The following FOS variants were observed in gnomAD, a reference collection of about 807,000 sequenced individuals.
The protein encoded by FOS is protein c-Fos.
FOS carries 9 observed loss-of-function variants against 27.2 expected under a neutral mutation model. The ratio of observed to expected loss-of-function variants is 0.33; its 90% CI spans 0.20 to 0.58. The LOEUF (loss-of-function observed/expected upper bound fraction) is 0.58, where lower values mean the gene tolerates loss of function less well. Among genes scored for constraint, FOS ranks in the 20% least tolerant of loss-of-function variants. The pLI, the probability that FOS is intolerant of heterozygous loss-of-function variation, is 0.87. For synonymous variants in FOS, 213 were observed against 205.1 expected (o/e 1.04, Z -0.33); for missense variants, 405 against 483.5 (o/e 0.84, Z 1.52).
rs4645856 is a variant in FOS at position 75,280,555 on chromosome 14, T to C, written c.394-5T>C. 0.072 allele frequency: 116,058 copies of C among 1,608,860 alleles called. 5,043 individuals carry two copies. Among genetic ancestry groups the C allele is most frequent in the African/African-American group, 0.17 (12,578 of 74,724 alleles). On this transcript the variant is annotated splice_region_variant and splice_polypyrimidine_tract_variant and intron_variant, in intron 2 of 3. Transcript: ENST00000303562. The stretch of plus-strand genomic sequence containing the variant: ...AATGTCGGTCTTTTTTTGTGATTAT[T>C]CTAGTTATCTCCAGAAGAAGAAGAG...
In FOS at chr14:75,281,260, G is replaced by C. The variant is rs763381996; in HGVS notation, c.979G>C (p.Val327Leu). ...ATELEPLCTP[V>L]VTCTPSCTAY... ...AGAGCTGGAGCCCCTGTGCACTCCG[G>C]TGGTCACCTGTACTCCCAGCTGCAC... Residue 327 changes from valine to leucine, a missense_variant, in exon 4 of 4, where the codon GTG becomes CTG. Val to Leu is a conservative substitution (Grantham distance 32). Coordinates refer to ENST00000303562, the MANE Select transcript of FOS (RefSeq NM_005252.4). This position sits in a 1 kb window ranked among gnomAD's most constrained non-coding sequence, Gnocchi z 4.7. 5 of 1,611,760 alleles carry C rather than the reference G, an allele frequency of 3.1e-6. No homozygotes were observed. In the Admixed American group the frequency reaches 8.3e-5, roughly 27 times the overall value.
rs1253186300 is a variant in FOS at position 75,279,748 on chromosome 14, G to A, written c.142-129G>A. The A allele has an allele frequency of 9.1e-7, 1 of 1,097,814 alleles. No individual in the cohort carries two copies. The highest frequency in any genetic ancestry group is 1.3e-6 in the Non-Finnish European group (1 of 759,286). The allele number at this position is 1,097,814 out of a possible 1,614,324, so 68.0% of individuals were successfully genotyped here. A position where few individuals can be genotyped will look rare whatever the true frequency, so the allele number is the denominator to read the frequency against. The stretch of plus-strand genomic sequence containing the variant: ...GGGAGACCTTTCATCCAGGATGAGG[G>A]ACATTTAAGATGAAATGTCCGTGGC... On this transcript the variant is annotated intron_variant, in intron 1 of 3. Coordinates refer to ENST00000303562, the MANE Select transcript of FOS (RefSeq NM_005252.4). The surrounding 1 kb of genome is among the most constrained non-coding windows in gnomAD (Gnocchi z 5.4).
At position 75,280,141 on chromosome 14, in the gene FOS, A is replaced by T. The variant is rs1377546476; in HGVS notation, c.393+13A>T. 1 of 1,613,544 alleles carries T rather than the reference A, an allele frequency of 6.2e-7. No homozygotes were observed. The highest frequency in any genetic ancestry group is 1.1e-5 in the South Asian group (1 of 91,086). On this transcript the variant is annotated intron_variant, in intron 2 of 3. Transcript: ENST00000303562. ...CAAGGTGGAACAGGTGAGGAACTCT[A>T]GCGTACTCTTCCTGGGAATGTGGGG...
chr14:75,280,763 CT>C lies in FOS; in HGVS notation c.502-17del. The C allele has an allele frequency of 1.2e-6, 2 of 1,613,214 alleles. No individual in the cohort carries two copies. Among genetic ancestry groups the C allele is most frequent in the Non-Finnish European group, 1.7e-6 (2 of 1,179,484 alleles). On this transcript the variant is annotated intron_variant, in intron 3 of 3. Transcript: ENST00000303562. ...GAGTAAGACTGTGTCTTATGCTTTC[CT>C]TTATCCCTCTGTATACAGGAGACAG...
Position 75,279,768 on chromosome 14 carries a change from C to T in FOS, c.142-109C>T. On this transcript the variant is annotated intron_variant, in intron 1 of 3. Transcript: ENST00000303562. The surrounding 1 kb of genome is among the most constrained non-coding windows in gnomAD (Gnocchi z 5.4). ...TGAGGGACATTTAAGATGAAATGTCCGTGGCAGGATCGTTTCTCTTCACTG... is the reference window on the plus strand; with the variant it reads ...TGAGGGACATTTAAGATGAAATGTCTGTGGCAGGATCGTTTCTCTTCACTG... 2 of 1,269,542 alleles carry T rather than the reference C, an allele frequency of 1.6e-6. No individual in the cohort carries two copies. The highest frequency in any genetic ancestry group is 2.3e-5 in the East Asian group (1 of 42,768). 78.6% of individuals were successfully genotyped at this position (1,269,542 alleles called of 1,614,324 possible).
rs559819705 is a variant in FOS, at chr14:75,279,249, G to A, written c.141+126G>A. 6 of 1,328,094 alleles carry A rather than the reference G, an allele frequency of 4.5e-6. No individual in the cohort carries two copies. In the East Asian group the frequency reaches 9.5e-5, roughly 21 times the overall value. The allele number at this position is 1,328,094 out of a possible 1,614,324, so 82.3% of individuals were successfully genotyped here. On this transcript the variant is annotated intron_variant, in intron 1 of 3. Coordinates refer to ENST00000303562, the MANE Select transcript of FOS (RefSeq NM_005252.4). The surrounding 1 kb of genome is among the most constrained non-coding windows in gnomAD (Gnocchi z 5.4). Reference sequence around the variant, plus strand: ...TGCCTGGAGGGAGGCTGCCGTGGCCGGAGCGGTGCCGGCTCGGGGGCTCGG... The same window carrying A: ...TGCCTGGAGGGAGGCTGCCGTGGCCAGAGCGGTGCCGGCTCGGGGGCTCGG...
At position 75,278,848 on chromosome 14, in the gene FOS, T is replaced by A. The variant is rs2239615; in HGVS notation, c.-135T>A. 744,450 of 1,013,622 alleles carry A rather than the reference T, an allele frequency of 0.73. 276,112 individuals are homozygous for A. Among genetic ancestry groups the A allele is most frequent in the African/African-American group, 0.89 (55,178 of 61,880 alleles). The allele number at this position is 1,013,622 out of a possible 1,614,324, so 62.8% of individuals were successfully genotyped here. A position where few individuals can be genotyped will look rare whatever the true frequency, so the allele number is the denominator to read the frequency against. Reference sequence around the variant, plus strand: ...ACTCCAACCGCATCTGCAGCGAGCATCTGAGAAGCCAAGACTGAGCCGGCG... The same window carrying A: ...ACTCCAACCGCATCTGCAGCGAGCAACTGAGAAGCCAAGACTGAGCCGGCG... On this transcript the variant is annotated 5_prime_UTR_variant, in exon 1 of 4. Transcript: ENST00000303562. The surrounding 1 kb of genome is among the most constrained non-coding windows in gnomAD (Gnocchi z 4.1).
intron 2 of FOS, 57 bp from the exon 3 acceptor site, chr14:75,280,503 T>G: frequency 7.3e-7 from 1 of 1,376,892 alleles, no homozygotes. Flanking sequence ...GGTGGGTGAA[T>G]GGAGGTGATG....
Position 75,280,100 on chromosome 14 carries a change from G to T in FOS, c.365G>T (p.Ser122Ile), listed in dbSNP as rs1897210074. Reference sequence around the variant, plus strand: ...ACCATGACAGGAGGCCGAGCGCAGAGCATTGGCAGGAGGGGCAAGGTGGAA... The same window carrying T: ...ACCATGACAGGAGGCCGAGCGCAGATCATTGGCAGGAGGGGCAAGGTGGAA... ...VKTMTGGRAQ[S>I]IGRRGKVEQL... is the part of the protein sequence containing the mutation. Residue 122 changes from serine (S) to isoleucine (I), a missense_variant, in exon 2 of 4, where the codon AGC (serine) becomes ATC (isoleucine). Physicochemically the swap from Ser to Ile is moderately radical, Grantham distance 142. Transcript: ENST00000303562. The T allele has an allele frequency of 6.2e-7, 1 of 1,614,060 alleles. No homozygotes were observed. Among genetic ancestry groups the T allele is most frequent in the Non-Finnish European group, 8.5e-7 (1 of 1,180,036 alleles).
chr14:75,281,737 T>A lies in FOS; in HGVS notation c.*313T>A, dbSNP rs45629236. The stretch of plus-strand genomic sequence containing the variant: ...TCTGTGTCTCTTTTCTCTTTCTCCT[T>A]AGTCTTCTCATAGCATTAACTAATC... On this transcript the variant is annotated 3_prime_UTR_variant, in exon 4 of 4. Transcript: ENST00000303562. This position sits in a 1 kb window ranked among gnomAD's most constrained non-coding sequence, Gnocchi z 4.7. 166 of 387,160 alleles carry A rather than the reference T, an allele frequency of 4.3e-4. No individual in the cohort carries two copies. Among genetic ancestry groups the A allele is most frequent in the Admixed American group, 6.9e-4 (17 of 24,684 alleles). 24.0% of individuals were successfully genotyped at this position (387,160 alleles called of 1,614,324 possible).
In FOS at chr14:75,281,808, A is replaced by G; in HGVS notation, c.*384A>G. The G allele has an allele frequency of 4.3e-6, 1 of 232,360 alleles. No homozygotes were observed. Among genetic ancestry groups the G allele is most frequent in the East Asian group, 9.9e-5 (1 of 10,144 alleles). The allele number at this position is 232,360 out of a possible 1,614,324, so 14.4% of individuals were successfully genotyped here. A position where few individuals can be genotyped will look rare whatever the true frequency, so the allele number is the denominator to read the frequency against. On this transcript the variant is annotated 3_prime_UTR_variant, in exon 4 of 4. Coordinates refer to ENST00000303562, the MANE Select transcript of FOS (RefSeq NM_005252.4). The surrounding 1 kb of genome is among the most constrained non-coding windows in gnomAD (Gnocchi z 4.7). ...TTAACCTGGTGCTGGATATTTTCAA[A>G]TTGTATCTAGTGCAGCTGATTTTAA...
In FOS at chr14:75,279,526, C is replaced by CG. The variant is rs1897202317; in HGVS notation, c.142-348dup. 4.8e-5 allele frequency: 21 copies of CG among 434,444 alleles called. No individual in the cohort carries two copies. In the South Asian group the frequency reaches 5.3e-4, roughly 11 times the overall value. The allele number at this position is 434,444 out of a possible 1,614,324, so 26.9% of individuals were successfully genotyped here. On this transcript the variant is annotated intron_variant, in intron 1 of 3. Coordinates refer to ENST00000303562, the MANE Select transcript of FOS (RefSeq NM_005252.4). The surrounding 1 kb of genome is among the most constrained non-coding windows in gnomAD (Gnocchi z 5.4). The stretch of plus-strand genomic sequence containing the variant: ...GGATGAGGGAGGAGGGTGCAGCGGG[C>CG]GGGTGTGTAAGGCAGTTTCATTGAT...
Position 75,281,561 on chromosome 14 carries a change from C to T in FOS, c.*137C>T. 2 of 933,882 alleles carry T rather than the reference C, an allele frequency of 2.1e-6. No homozygotes were observed. The highest frequency in any genetic ancestry group is 1.6e-6 in the Non-Finnish European group (1 of 638,376). 57.8% of individuals were successfully genotyped at this position (933,882 alleles called of 1,614,324 possible). On this transcript the variant is annotated 3_prime_UTR_variant, in exon 4 of 4. Transcript: ENST00000303562. This position sits in a 1 kb window ranked among gnomAD's most constrained non-coding sequence, Gnocchi z 4.7. Reference sequence around the variant, plus strand: ...GACCTTATCTGTGCGTGAAACACACCAGGCTGTGGGCCTCAAGGACTTGAA... The same window carrying T: ...GACCTTATCTGTGCGTGAAACACACTAGGCTGTGGGCCTCAAGGACTTGAA...
Position 75,279,260 on chromosome 14 carries a change from G to C in FOS, c.141+137G>C. ...AGGCTGCCGTGGCCGGAGCGGTGCC[G>C]GCTCGGGGGCTCGGGACTTGCTCTG... On this transcript the variant is annotated intron_variant, in intron 1 of 3. Transcript: ENST00000303562. This position sits in a 1 kb window ranked among gnomAD's most constrained non-coding sequence, Gnocchi z 5.4. 1 of 1,088,968 alleles carries C rather than the reference G, an allele frequency of 9.2e-7. No individual in the cohort carries two copies. Among genetic ancestry groups the C allele is most frequent in the Non-Finnish European group, 1.3e-6 (1 of 756,438 alleles). The allele number at this position is 1,088,968 out of a possible 1,614,324, so 67.5% of individuals were successfully genotyped here.
At position 75,281,422 on chromosome 14, in the gene FOS, T is replaced by A; in HGVS notation, c.1141T>A (p.Ter381ArgextTer43). The A allele has an allele frequency of 6.2e-7, 1 of 1,609,706 alleles. No individual in the cohort carries two copies. The part of the protein sequence containing the change: ...SLSSPTLLAL[*>R] ...CAGCTCACCCACGCTGCTGGCCCTG[T>A]GAGGGGGCAGGGAAGGGGAGGCAGC... Residue 381 changes from the stop codon to arginine (R), a stop_lost, in exon 4 of 4, where the codon TGA becomes AGA. Coordinates refer to ENST00000303562, the MANE Select transcript of FOS (RefSeq NM_005252.4). This position sits in a 1 kb window ranked among gnomAD's most constrained non-coding sequence, Gnocchi z 4.7.
chr14:75,279,232 G>A lies in FOS; in HGVS notation c.141+109G>A, dbSNP rs1897198279. Reference sequence around the variant, plus strand: ...AGTAGGGGGCTCCCTTGTGCCTGGAGGGAGGCTGCCGTGGCCGGAGCGGTG... The same window carrying A: ...AGTAGGGGGCTCCCTTGTGCCTGGAAGGAGGCTGCCGTGGCCGGAGCGGTG... On this transcript the variant is annotated intron_variant, in intron 1 of 3. Coordinates refer to ENST00000303562, the MANE Select transcript of FOS (RefSeq NM_005252.4). The surrounding 1 kb of genome is among the most constrained non-coding windows in gnomAD (Gnocchi z 5.4). The A allele has an allele frequency of 2.0e-6, 3 of 1,463,828 alleles. No homozygotes were observed. The South Asian group carries it at 3.5e-5, about 17-fold the overall frequency. 90.7% of individuals were successfully genotyped at this position (1,463,828 alleles called of 1,614,324 possible).
Position 75,279,073 on chromosome 14 carries a change from C to A in FOS, c.91C>A (p.His31Asn). ...SPAGDSLSYY[H>N]SPADSFSSMG... Reference sequence around the variant, plus strand: ...GGCCGGGGATAGCCTCTCTTACTACCACTCACCCGCAGACTCCTTCTCCAG... The same window carrying A: ...GGCCGGGGATAGCCTCTCTTACTACAACTCACCCGCAGACTCCTTCTCCAG... The change falls in exon 1 of 4, where the codon CAC (histidine) becomes AAC (asparagine). Residue 31 changes from histidine (H) to asparagine (N), a missense_variant. Transcript: ENST00000303562. The surrounding 1 kb of genome is among the most constrained non-coding windows in gnomAD (Gnocchi z 5.4). The A allele has an allele frequency of 1.2e-6, 2 of 1,613,694 alleles. No individual in the cohort carries two copies. Among genetic ancestry groups the A allele is most frequent in the South Asian group, 2.2e-5 (2 of 91,088 alleles).
At position 75,281,208 on chromosome 14, in the gene FOS, C is replaced by T; in HGVS notation, c.927C>T (p.Gly309=). 6.2e-7 allele frequency: 1 copy of T among 1,612,638 alleles called. No individual in the cohort carries two copies. The highest frequency in any genetic ancestry group is 8.5e-7 in the Non-Finnish European group (1 of 1,180,028). The change falls in exon 4 of 4, where the codon GGC becomes GGT. Residue 309 remains glycine (G), a synonymous_variant. Transcript: ENST00000303562. The surrounding 1 kb of genome is among the most constrained non-coding windows in gnomAD (Gnocchi z 4.7). ...YAADWEPLHS[G]SLGMGPMATE... is the part of the protein sequence containing the mutation. ...CAGACTGGGAGCCTCTGCACAGTGG[C>T]TCCCTGGGGATGGGGCCCATGGCCA...
In FOS at chr14:75,278,981, C is replaced by T; in HGVS notation, c.-2C>T. On this transcript the variant is annotated 5_prime_UTR_variant, in exon 1 of 4. It adds an upstream start codon to the 5' untranslated region. Transcript: ENST00000303562. This position sits in a 1 kb window ranked among gnomAD's most constrained non-coding sequence, Gnocchi z 4.1. ...CTCGCCCGGCTTTGCCTAACCGCCA[C>T]GATGATGTTCTCGGGCTTCAACGCA... 6.2e-7 allele frequency: 1 copy of T among 1,613,598 alleles called. No homozygotes were observed.
Sources: gnomAD v4.1 joint callset for allele counts on GRCh38, gnomAD v4.1.1 for gene constraint, Gnocchi (gnomAD v3.1) non-coding constraint, MANE v1.5 for transcripts, NCBI Gene and HGNC (gene_info 2026-07-23, HGNC 2026-07-21) for gene names.